TXNDC16: variants seen among roughly 807,000 people sequenced by gnomAD.
TXNDC16 encodes the protein thioredoxin domain-containing protein 16.
A neutral mutation model predicts 85.6 loss-of-function variants in TXNDC16; 74 were observed. That is an observed-to-expected ratio of 0.86 (90% CI 0.72 to 1.05). The LOEUF is 1.05. TXNDC16 is among the 50% of genes least tolerant of loss of function. The probability of loss-of-function intolerance (pLI) is 0.00; values close to 1 mark genes in which losing one functional copy is unlikely to be tolerated. For synonymous variants in TXNDC16, 335 were observed against 326.5 expected (o/e 1.03, Z -0.28); for missense variants, 959 against 947.0 (o/e 1.01, Z -0.17).
At chr14:52,463,351 A>G (rs2035697012) in intron 16 of TXNDC16, among the ~76,000 whole-genome samples, 1 of 152,188 alleles carries the variant, frequency 6.6e-6, no homozygotes, top group African/African-American at 2.4e-5. Flanking sequence ...TGGTCACTCT[A>G]TGCTTCCGGG....
At chr14:52,450,878 T>C (rs867768873) in intron 18 of TXNDC16, among the ~76,000 whole-genome samples, 1,912 of 123,710 alleles carry the variant, frequency 0.015, 57 homozygotes, top group East Asian at 0.11. Flanking sequence ...TATATATATA[T>C]ATACACACAC....
At chr14:52,453,822 T>C (rs74933160) in intron 18 of TXNDC16, among the ~76,000 whole-genome samples, 15,913 of 152,056 alleles carry the variant, frequency 0.1, 996 homozygotes, top group East Asian at 0.18. Context: ...ACAAGAGGTC[T>C]CTTTTCTCCA....
At chr14:52,530,142 AT>A (rs1231397005) in intron 6 of TXNDC16, among the ~76,000 whole-genome samples, 1 of 71,658 alleles carries the variant, frequency 1.4e-5, no homozygotes, top group Non-Finnish European at 2.2e-5. Flanking sequence ...CAATTTACAT[AT>A]ATTTTATATA....
rs1307647376 is a variant in TXNDC16, at chr14:52,432,727, GA to G, written c.2195-141del. On this transcript the variant is annotated intron_variant, in intron 20 of 20. Coordinates refer to ENST00000281741, the MANE Select transcript of TXNDC16 (RefSeq NM_020784.3). ...GTTTTACTTATCTAAGCAAAGCTAGGAATTTTTTTACTGTCATTGTCAACAA... is the reference window on the plus strand; with the variant it reads ...GTTTTACTTATCTAAGCAAAGCTAGGATTTTTTTACTGTCATTGTCAACAA... 3.6e-6 allele frequency: 3 copies of G among 824,930 alleles called. No individual in the cohort carries two copies. The East Asian group carries it at 9.4e-5, about 26-fold the overall frequency. 51.1% of individuals were successfully genotyped at this position (824,930 alleles called of 1,614,324 possible). A position where few individuals can be genotyped will look rare whatever the true frequency, so the allele number is the denominator to read the frequency against.
intron 6 of TXNDC16, among the ~76,000 whole-genome samples, chr14:52,531,808 CAAT>C (rs780444160): frequency 1.3e-5 from 2 of 152,054 alleles, no homozygotes; most frequent in African/African-American, 2.4e-5. Flanking sequence ...GTACTTTAGT[CAAT>C]AATATGTCAA....
intron 16 of TXNDC16, among the ~76,000 whole-genome samples, chr14:52,461,567 C>T (rs927582489): frequency 4.6e-5 from 7 of 152,248 alleles, no homozygotes; most frequent in South Asian, 2.1e-4. Context: ...GTCCTGAGTA[C>T]CCATGTGGCA....
intron 7 of TXNDC16, among the ~76,000 whole-genome samples, chr14:52,516,522 G>T: frequency 6.6e-6 from 1 of 152,132 alleles, no homozygotes; most frequent in African/African-American, 2.4e-5. Context: ...TTTTAGAGTA[G>T]TCTTTTTATC....
intron 9 of TXNDC16, 99 bp from the exon 10 acceptor site, chr14:52,491,104 A>G (rs2036394327): frequency 7.4e-7 from 1 of 1,350,752 alleles, no homozygotes; most frequent in Non-Finnish European, 9.8e-7. Context: ...TGAGTAAAAA[A>G]AAGTGTAAAA....
chr14:52,436,583 A>G (rs1249627524), intron 20 of TXNDC16, among the ~76,000 whole-genome samples: 1 of 152,200 alleles, frequency 6.6e-6, no homozygotes, highest in East Asian at 1.9e-4. Flanking sequence ...ATTATATTTC[A>G]ATAAAAATAC....
At chr14:52,504,532 T>C (rs940415635) in intron 9 of TXNDC16, among the ~76,000 whole-genome samples, 10 of 151,786 alleles carry the variant, frequency 6.6e-5, no homozygotes, top group Admixed American at 5.3e-4. Flanking sequence ...AGAGATTTTG[T>C]CACCACCAGG....
At chr14:52,473,931 G>A (rs774403321) in intron 14 of TXNDC16, among the ~76,000 whole-genome samples, 1 of 152,222 alleles carries the variant, frequency 6.6e-6, no homozygotes, top group East Asian at 1.9e-4. Context: ...TATAGTATAG[G>A]CTTCAACATA....
At position 52,530,377 on chromosome 14, in the gene TXNDC16, ATT is replaced by A. The variant is rs1208301931; in HGVS notation, c.392+6340_392+6341del. On this transcript the variant is annotated intron_variant, in intron 6 of 20. Transcript: ENST00000281741. ...AATATAATATATATTATTATATAAT[ATT>A]ATATATAATATTATAATATAATATA... Among the ~76,000 whole-genome samples, 2 of 26,712 alleles carry A rather than the reference ATT, an allele frequency of 7.5e-5. 1 individual carries two copies. The highest frequency in any genetic ancestry group is 1.1e-4 in the Non-Finnish European group (2 of 17,598). 17.5% of individuals were successfully genotyped at this position (26,712 alleles called of 152,430 possible).
chr14:52,512,545 G>C (rs1468107328), intron 8 of TXNDC16, among the ~76,000 whole-genome samples: 1 of 152,192 alleles, frequency 6.6e-6, no homozygotes, highest in African/African-American at 2.4e-5. Context: ...TGAAAGGAAA[G>C]TGTTGAGTGC....
chr14:52,440,648 G>A lies in TXNDC16; in HGVS notation c.1919C>T (p.Thr640Ile). The A allele has an allele frequency of 1.9e-6, 3 of 1,610,814 alleles. No homozygotes were observed. Among genetic ancestry groups the A allele is most frequent in the Non-Finnish European group, 2.5e-6 (3 of 1,179,010 alleles). The change falls in exon 19 of 21, where the codon ACT becomes ATT. Residue 640 changes from threonine (T) to isoleucine (I), a missense_variant. Coordinates refer to ENST00000281741, the MANE Select transcript of TXNDC16 (RefSeq NM_020784.3). Reference protein sequence around the residue: ...KPLLILFSDGTVNPQYKKAIL... With the variant: ...KPLLILFSDGIVNPQYKKAIL... ...TGCTTTTTTATACTGAGGATTTACA[G>A]TGCCATCACTGAACAAAATCAATAA... is the stretch of plus-strand genomic sequence containing the variant.
Position 52,470,229 on chromosome 14 carries a change from T to TA in TXNDC16, c.1482-57dup, listed in dbSNP as rs34421151. 11,648 of 1,346,690 alleles carry TA rather than the reference T, an allele frequency of 8.6e-3. 42 individuals carry two copies. Among genetic ancestry groups the TA allele is most frequent in the Non-Finnish European group, 9.1e-3 (9,076 of 995,980 alleles). The allele number at this position is 1,346,690 out of a possible 1,614,324, so 83.4% of individuals were successfully genotyped here. On this transcript the variant is annotated intron_variant, in intron 15 of 20. Transcript: ENST00000281741. ...AATTTTTTAAGATATTTTCAGTTTGTAAAAAAAAAGCATACTAAACATAGC... is the reference window on the plus strand; with the variant it reads ...AATTTTTTAAGATATTTTCAGTTTGTAAAAAAAAAAGCATACTAAACATAGC...
At chr14:52,488,287 T>C in intron 12 of TXNDC16, 76 bp downstream of exon 12, 1 of 1,553,372 alleles carries the variant, frequency 6.4e-7, no homozygotes, top group Non-Finnish European at 8.7e-7. Flanking sequence ...TTGGAGAAAG[T>C]TAATCCATTG....
chr14:52,493,206 TATATATA>T (rs1424267976), intron 9 of TXNDC16, among the ~76,000 whole-genome samples: 2 of 132,320 alleles, frequency 1.5e-5, no homozygotes, highest in Non-Finnish European at 3.1e-5. Flanking sequence ...TATATATATA[TATATATA>T]TATACACACA....
intron 12 of TXNDC16, among the ~76,000 whole-genome samples, chr14:52,485,283 A>G (rs1443135683): frequency 1.3e-5 from 2 of 152,264 alleles, no homozygotes; most frequent in Non-Finnish European, 2.9e-5. Context: ...AGCTTATAGC[A>G]TAAGGATATA....
rs74981744 is a variant in TXNDC16 at position 52,536,879 on chromosome 14, T to G, written c.318-86A>C. On this transcript the variant is annotated intron_variant, in intron 5 of 20. Transcript: ENST00000281741. ...CAATTTACTTGTCTATCAAATACAT[T>G]AGCTTATAAGGTCTTTGATGTTACA... The G allele has an allele frequency of 3.0e-3, 3,460 of 1,163,330 alleles. 91 individuals carry two copies. The Admixed American group carries it at 0.051, about 17-fold the overall frequency. 72.1% of individuals were successfully genotyped at this position (1,163,330 alleles called of 1,614,324 possible). A position where few individuals can be genotyped will look rare whatever the true frequency, so the allele number is the denominator to read the frequency against.
Sources: gnomAD v4.1 joint callset for allele counts (sites outside exome capture counted in the v4.1 genomes callset) on GRCh38, gnomAD v4.1.1 for gene constraint, MANE v1.5 for transcripts, NCBI Gene and HGNC (gene_info 2026-07-23, HGNC 2026-07-21) for gene names.